The following NEB variants were observed in gnomAD, a reference collection of about 807,000 sequenced individuals.
NEB encodes nemaline myopathy type 2.
In NEB, 512 loss-of-function variants were observed where a neutral mutation model predicts 952.2. The ratio of observed to expected loss-of-function variants is 0.54; its 90% CI spans 0.50 to 0.58. NEB has a LOEUF of 0.58. Ranked by LOEUF, NEB falls within the 20% of genes least tolerant of loss-of-function variation. The pLI is 0.00. For synonymous variants in NEB, 2,900 were observed against 3,149.8 expected (o/e 0.92, Z 2.66); for missense variants, 8,428 against 9,231.1 (o/e 0.91, Z 3.56).
At chr2:151,682,215 A>AT (rs1197303462) in intron 29 of NEB, among the ~76,000 whole-genome samples, 1 of 152,168 alleles carries the variant, frequency 6.6e-6, no homozygotes, top group Non-Finnish European at 1.5e-5. Context: ...GAGAGCTGAA[A>AT]TTTTGGGGGG....
chr2:151,570,570 T>A lies in NEB; in HGVS notation c.17045A>T (p.Lys5682Met). Residue 5682 changes from lysine (K) to methionine (M), a missense_variant, in exon 108 of 182, where the codon AAG (lysine) becomes ATG (methionine). Around this residue, in one of 11 missense-constraint regions of NEB, gnomAD observed 3,374 missense variants for 3,651.5 expected, o/e 0.92. Coordinates refer to ENST00000397345, the MANE Select transcript of NEB (RefSeq NM_001164508.2). ...KLYREGWDEM[K>M]AGCDVRLDAI... ...ATCCAGCCGGACATCACAGCCCGCC[T>A]TCATTTCATCCCAGCCCTCACGGTA... The A allele has an allele frequency of 6.2e-7, 1 of 1,604,636 alleles. No homozygotes were observed. The highest frequency in any genetic ancestry group is 1.7e-5 in the Admixed American group (1 of 59,036).
chr2:151,503,106 G>A (rs1375976486), intron 166 of NEB: 5 of 585,720 alleles, frequency 8.5e-6, no homozygotes, highest in East Asian at 2.8e-5. Context: ...GTTATATAAC[G>A]CTGAGGAATC....
chr2:151,631,257 G>C lies in NEB; in HGVS notation c.9504C>G (p.Thr3168=). ...SMDVVKCKRA[T]EILSDNIYRQ... is the part of the protein sequence containing the mutation. The stretch of plus-strand genomic sequence containing the variant: ...GGTAGATGTTATCACTCAGTATTTC[G>C]GTAGCTCTCTTGCACTTGACCACAT... The change falls in exon 66 of 182, where the codon ACC becomes ACG. Residue 3168 remains threonine, a synonymous_variant. Transcript: ENST00000397345. The C allele has an allele frequency of 1.2e-6, 2 of 1,613,812 alleles. No homozygotes were observed. Among genetic ancestry groups the C allele is most frequent in the South Asian group, 1.1e-5 (1 of 91,078 alleles).
At chr2:151,714,699 T>C (rs2099754462) in intron 10 of NEB, among the ~76,000 whole-genome samples, 1 of 152,164 alleles carries the variant, frequency 6.6e-6, no homozygotes, top group African/African-American at 2.4e-5. Context: ...TTTAAATGCA[T>C]GTGAGTGACT....
chr2:151,697,638 T>C lies in NEB; in HGVS notation c.1163A>G (p.Lys388Arg). ...AGDALSDKLY[K>R]ENYEKTKAKS... ...TGCTTTTGTCTTTTCATAGTTTTCC[T>C]TGTATAGTTTCTGTCAAAGAAAAAA... The change falls in exon 14 of 182, where the codon AAG becomes AGG. Residue 388 changes from lysine (K) to arginine (R), a missense_variant. Transcript: ENST00000397345. 6.2e-7 allele frequency: 1 copy of C among 1,602,570 alleles called. No individual in the cohort carries two copies. The highest frequency in any genetic ancestry group is 2.2e-5 in the East Asian group (1 of 44,832).
intron 74 of NEB, 26 bp from the exon 75 acceptor site, chr2:151,617,494 A>C: frequency 1.5e-6 from 2 of 1,352,564 alleles, no homozygotes; most frequent in Non-Finnish European, 2.0e-6. Context: ...AAAAAGAGAG[A>C]GAGAGAGAGA....
At chr2:151,487,452 A>G (rs1326096524) in intron 181 of NEB, among the ~76,000 whole-genome samples, 1 of 152,180 alleles carries the variant, frequency 6.6e-6, no homozygotes, top group African/African-American at 2.4e-5. Flanking sequence ...TCCCCTTTGC[A>G]TAAGTGGAAC....
At position 151,724,121 on chromosome 2, in the gene NEB, C is replaced by A. The variant is rs2099783632; in HGVS notation, c.612+139G>T. On this transcript the variant is annotated intron_variant, in intron 8 of 181. Transcript: ENST00000397345. The stretch of plus-strand genomic sequence containing the variant: ...TCCTTTTTGCCAAGCCCTATCCCTG[C>A]AGTCTCACATGTCTCAAGGCTACTC... The A allele has an allele frequency of 4.3e-6, 3 of 696,178 alleles. No homozygotes were observed. The South Asian group carries it at 5.6e-5, about 13-fold the overall frequency. The allele number at this position is 696,178 out of a possible 1,614,324, so 43.1% of individuals were successfully genotyped here. A position where few individuals can be genotyped will look rare whatever the true frequency, so the allele number is the denominator to read the frequency against.
chr2:151,664,483 C>A lies in NEB; in HGVS notation c.5451+18G>T. 6.5e-7 allele frequency: 1 copy of A among 1,531,964 alleles called. No individual in the cohort carries two copies. The highest frequency in any genetic ancestry group is 1.3e-5 in the South Asian group (1 of 78,506). The allele number at this position is 1,531,964 out of a possible 1,614,324, so 94.9% of individuals were successfully genotyped here. On this transcript the variant is annotated intron_variant, in intron 44 of 181. Coordinates refer to ENST00000397345, the MANE Select transcript of NEB (RefSeq NM_001164508.2). ...TCTTACTTGCTCAACCCCAAAAAGG[C>A]CCAGTGCAAGCACTTACATCACTGG...
chr2:151,717,467 A>G lies in NEB; in HGVS notation c.771T>C (p.Ala257=), dbSNP rs4611637. The change falls in exon 10 of 182, where the codon GCT becomes GCC. Residue 257 remains alanine (A), a synonymous_variant. Transcript: ENST00000397345. ...TGGCAAATTCTATATCTGGAGGATCAGCCAGAGGCGTGAATTGAGCTTGCT... is the reference window on the plus strand; with the variant it reads ...TGGCAAATTCTATATCTGGAGGATCGGCCAGAGGCGTGAATTGAGCTTGCT... ...AEQQAQFTPL[A]DPPDIEFAKK... is the part of the protein sequence containing the mutation. 1,271,370 of 1,613,292 alleles carry G rather than the reference A, an allele frequency of 0.79. 514,625 individuals are homozygous for G. Among genetic ancestry groups the G allele is most frequent in the Admixed American group, 0.84 (50,665 of 60,008 alleles).
At position 151,502,827 on chromosome 2, in the gene NEB, T is replaced by A; in HGVS notation, c.23894A>T (p.Glu7965Val). ...GTTCTCTTGATTGCGTTTGACTCTC[T>A]CCATCTCTGGAGTGATAGGTGTTGG... ...GIPTPITPEM[E>V]RVKRNQENFS... is the part of the protein sequence containing the mutation. Residue 7965 changes from glutamate (E) to valine (V), a missense_variant, in exon 167 of 182, where the codon GAG becomes GTG. This residue lies in a region of NEB where 3,374 missense variants were observed against 3,651.5 expected (regional missense o/e 0.92). Coordinates refer to ENST00000397345, the MANE Select transcript of NEB (RefSeq NM_001164508.2). 3 of 1,609,146 alleles carry A rather than the reference T, an allele frequency of 1.9e-6. No homozygotes were observed. Among genetic ancestry groups the A allele is most frequent in the Non-Finnish European group, 2.5e-6 (3 of 1,177,336 alleles).
At chr2:151,490,231 C>T in intron 180 of NEB, 141 bp downstream of exon 180, 2 of 1,194,202 alleles carry the variant, frequency 1.7e-6, no homozygotes, top group Non-Finnish European at 2.3e-6. Flanking sequence ...TTCATGCAGC[C>T]CTCCACAATT....
intron 175 of NEB, 150 bp downstream of exon 175, chr2:151,493,625 G>T (rs557748180): frequency 1.4e-6 from 1 of 739,036 alleles, no homozygotes. Flanking sequence ...CTGTGACCTC[G>T]TGGGGTTGGT....
intron 174 of NEB, 80 bp downstream of exon 174, chr2:151,494,081 C>T: frequency 1.6e-6 from 2 of 1,237,520 alleles, no homozygotes; most frequent in Non-Finnish European, 2.3e-6. Context: ...TGTTTTTAAC[C>T]TGGGACAGGG....
chr2:151,734,220 C>T (rs553733560), intron 1 of NEB, among the ~76,000 whole-genome samples, 178 bp downstream of exon 1: 1 of 152,276 alleles, frequency 6.6e-6, no homozygotes, highest in South Asian at 2.1e-4. Flanking sequence ...TCTAATCACA[C>T]ACGGTACATA....
At chr2:151,731,265 C>G (rs1017977870) in intron 3 of NEB, among the ~76,000 whole-genome samples, 1 of 152,176 alleles carries the variant, frequency 6.6e-6, no homozygotes, top group African/African-American at 2.4e-5. Context: ...TTGGCATTAA[C>G]TTGTATGCCA....
At chr2:151,488,989 A>G (rs2053724331) in intron 181 of NEB, among the ~76,000 whole-genome samples, 2 of 152,194 alleles carry the variant, frequency 1.3e-5, no homozygotes, top group Admixed American at 1.3e-4. Flanking sequence ...CTTAAGTATT[A>G]TCATTTTCAA....
rs750067420 is a variant in NEB at position 151,643,837 on chromosome 2, G to T, written c.7937C>A (p.Ala2646Asp). The T allele has an allele frequency of 1.9e-6, 3 of 1,613,698 alleles. No individual in the cohort carries two copies. The highest frequency in any genetic ancestry group is 2.5e-6 in the Non-Finnish European group (3 of 1,179,620). Residue 2646 changes from alanine (A) to aspartate (D), a missense_variant, in exon 57 of 182, where the codon GCC (alanine) becomes GAC (aspartate). Physicochemically the swap from Ala to Asp is moderately radical, Grantham distance 126. Transcript: ENST00000397345. ...DQSDVIHARQ[A>D]YDLQSDNLYK... ...ACTCACATCGCTCTGGAGGTCATAGGCCTGCCGAGCATGGATGACATCGCT... is the reference window on the plus strand; with the variant it reads ...ACTCACATCGCTCTGGAGGTCATAGTCCTGCCGAGCATGGATGACATCGCT...
At position 151,526,144 on chromosome 2, in the gene NEB, C is replaced by T. The variant is rs542106802; in HGVS notation, c.22050+14G>A. Reference sequence around the variant, plus strand: ...CCAAGAGGGAAGCAGAACTCATGGGCGGCTGGGGGTTACCTCAGACACCAG... The same window carrying T: ...CCAAGAGGGAAGCAGAACTCATGGGTGGCTGGGGGTTACCTCAGACACCAG... On this transcript the variant is annotated intron_variant, in intron 149 of 181. Transcript: ENST00000397345. The T allele has an allele frequency of 3.8e-5, 62 of 1,612,712 alleles. No homozygotes were observed. In the Middle Eastern group the frequency reaches 9.9e-4, roughly 26 times the overall value.
Sources: gnomAD v4.1 joint callset for allele counts (sites outside exome capture counted in the v4.1 genomes callset) on GRCh38, gnomAD v4.1.1 for gene constraint, gnomAD v4.1.1 regional missense constraint, MANE v1.5 for transcripts, NCBI Gene and HGNC (gene_info 2026-07-23, HGNC 2026-07-21) for gene names.